Variants in GALNT13 observed in about 807,000 individuals in gnomAD.
GALNT13 encodes UDP-GalNAc:polypeptide N-acetylgalactosaminyltransferase 13.
Under a neutral mutation model 64.2 loss-of-function variants are expected in GALNT13, and 28 were observed. The observed-to-expected ratio is 0.44, with a 90% confidence interval of 0.32 to 0.60. The LOEUF (loss-of-function observed/expected upper bound fraction) is 0.60, where lower values mean the gene tolerates loss of function less well. GALNT13 is among the 20% of genes least tolerant of loss of function. The pLI is 0.05. For synonymous variants in GALNT13, 214 were observed against 224.6 expected (o/e 0.95, Z 0.42); for missense variants, 577 against 669.8 (o/e 0.86, Z 1.53).
the GALNT13 span, among the ~76,000 whole-genome samples, chr2:153,839,308 G>A: frequency 3.3e-5 from 5 of 151,788 alleles, no homozygotes; most frequent in Non-Finnish European, 2.9e-5. Flanking sequence ...GAATAGAAAT[G>A]CTGAGAATGG....
At chr2:154,148,396 G>A (rs549564457) in intron 4 of GALNT13, among the ~76,000 whole-genome samples, 66 of 152,264 alleles carry the variant, frequency 4.3e-4, no homozygotes, top group South Asian at 3.5e-3. Flanking sequence ...ACATGTGCAC[G>A]TGTCTTTATA....
chr2:153,647,291 A>G, the GALNT13 span, among the ~76,000 whole-genome samples: 47 of 151,684 alleles, frequency 3.1e-4, no homozygotes, highest in East Asian at 3.9e-4. Context: ...CATATCCTTC[A>G]CCCACTTGTT....
the GALNT13 span, among the ~76,000 whole-genome samples, chr2:153,480,012 A>G: frequency 6.6e-6 from 1 of 152,106 alleles, no homozygotes; most frequent in Non-Finnish European, 1.5e-5. Context: ...GAATACATTT[A>G]CTTTCTATTA....
chr2:153,692,261 G>A, the GALNT13 span, among the ~76,000 whole-genome samples: 6 of 152,122 alleles, frequency 3.9e-5, no homozygotes, highest in African/African-American at 7.2e-5. Flanking sequence ...TGAGACACTA[G>A]TACTGTTCTG....
the GALNT13 span, among the ~76,000 whole-genome samples, chr2:153,550,388 C>T: frequency 2.0e-5 from 3 of 151,820 alleles, no homozygotes; most frequent in Admixed American, 2.0e-4. Flanking sequence ...ATGTGCACCG[C>T]CACACTCAGC....
At chr2:153,944,252 T>G (rs1237163910) in intron 2 of GALNT13, 142 bp from the exon 3 acceptor site, 4 of 374,032 alleles carry the variant, frequency 1.1e-5, no homozygotes, top group African/African-American at 8.3e-5. Flanking sequence ...TTCATTTATT[T>G]AGGCTTTTAA....
rs558908820 is a variant in GALNT13, at chr2:153,897,060, A to AT, written c.-176-3868dup. Among the ~76,000 whole-genome samples, 4 of 151,934 alleles carry AT rather than the reference A, an allele frequency of 2.6e-5. No individual in the cohort carries two copies. The South Asian group carries it at 6.2e-4, about 24-fold the overall frequency. On this transcript the variant is annotated intron_variant, in intron 1 of 12. Coordinates refer to ENST00000392825, the MANE Select transcript of GALNT13 (RefSeq NM_052917.4). ...GCATGCACACGTGTAGACACACCAC[A>AT]TTTTTTTTCCTGAATCATTTGAGAA...
intron 9 of GALNT13, among the ~76,000 whole-genome samples, chr2:154,323,257 T>C (rs1433708944): frequency 6.6e-6 from 1 of 151,624 alleles, no homozygotes; most frequent in Non-Finnish European, 1.5e-5. Context: ...AATTGTGCCA[T>C]TGCACCTCAC....
chr2:153,570,196 G>T, the GALNT13 span, among the ~76,000 whole-genome samples: 12 of 152,218 alleles, frequency 7.9e-5, no homozygotes, highest in African/African-American at 2.6e-4. Flanking sequence ...CTGATGATCA[G>T]TGATGTTGAG....
chr2:153,944,540 C>T lies in GALNT13; in HGVS notation c.43C>T (p.Leu15=). ...VYCKVVLATS[L]MWVLVDVFLL... ...CTGCAAGGTGGTTCTAGCCACTTCG[C>T]TGATGTGGGTTCTTGTTGATGTCTT... The change falls in exon 3 of 13, where the codon CTG becomes TTG. Residue 15 remains leucine (L), a synonymous_variant. Coordinates refer to ENST00000392825, the MANE Select transcript of GALNT13 (RefSeq NM_052917.4). The T allele has an allele frequency of 6.2e-7, 1 of 1,613,266 alleles. No homozygotes were observed. The highest frequency in any genetic ancestry group is 1.1e-5 in the South Asian group (1 of 91,060).
At chr2:153,998,034 G>A (rs540632956) in intron 3 of GALNT13, among the ~76,000 whole-genome samples, 3 of 152,112 alleles carry the variant, frequency 2.0e-5, no homozygotes, top group East Asian at 3.9e-4. Context: ...TTCTTTATCA[G>A]GTCTATCATT....
the GALNT13 span, among the ~76,000 whole-genome samples, chr2:153,763,287 G>A: frequency 3.9e-5 from 6 of 152,204 alleles, no homozygotes; most frequent in Non-Finnish European, 2.9e-5. Flanking sequence ...AGGTCCTCTA[G>A]TCATTCCGGT....
chr2:153,822,626 C>T, the GALNT13 span, among the ~76,000 whole-genome samples: 1 of 152,100 alleles, frequency 6.6e-6, no homozygotes, highest in Non-Finnish European at 1.5e-5. Flanking sequence ...CCAACATGTA[C>T]TGAATGGACA....
the GALNT13 span, among the ~76,000 whole-genome samples, chr2:153,697,223 C>T: frequency 0.28 from 42,370 of 152,086 alleles, 7,066 homozygotes; most frequent in Admixed American, 0.38. Flanking sequence ...TCCTCTAGCA[C>T]CTAATTCCTG....
At chr2:153,656,339 T>TGTGTGTGC in the GALNT13 span, among the ~76,000 whole-genome samples, 429 of 141,560 alleles carry the variant, frequency 3.0e-3, 3 homozygotes, top group South Asian at 9.3e-3. Context: ...TGTGTGTGTG[T>TGTGTGTGC]GCGCGCGCAC....
At chr2:153,094,153 G>C in the GALNT13 span, among the ~76,000 whole-genome samples, 8 of 151,560 alleles carry the variant, frequency 5.3e-5, no homozygotes, top group African/African-American at 1.9e-4. Flanking sequence ...AATTTTATTT[G>C]TGTTCTGACT....
At chr2:153,790,977 C>T in the GALNT13 span, among the ~76,000 whole-genome samples, 1 of 152,024 alleles carries the variant, frequency 6.6e-6, no homozygotes, top group Admixed American at 6.6e-5. Flanking sequence ...GGAAAGATTT[C>T]ATGATGAAGA....
At chr2:154,149,997 T>C (rs1341243656) in intron 4 of GALNT13, among the ~76,000 whole-genome samples, 2 of 152,208 alleles carry the variant, frequency 1.3e-5, no homozygotes, top group Admixed American at 1.3e-4. Context: ...GGCATCCCTG[T>C]CTTGTGCCCG....
chr2:154,333,949 C>G (rs902959255), intron 9 of GALNT13, among the ~76,000 whole-genome samples: 4 of 151,998 alleles, frequency 2.6e-5, no homozygotes, highest in African/African-American at 9.7e-5. Context: ...TCAAACTGGC[C>G]TATTTCTACA....
Sources: gnomAD v4.1 joint callset for allele counts (sites outside exome capture counted in the v4.1 genomes callset) on GRCh38, gnomAD v4.1.1 for gene constraint, MANE v1.5 for transcripts, NCBI Gene and HGNC (gene_info 2026-07-23, HGNC 2026-07-21) for gene names.